The following ETS1 variants were observed in gnomAD, a reference collection of about 807,000 sequenced individuals.
ETS1 encodes protein C-ets-1.
In ETS1, 15 loss-of-function variants were observed where a neutral mutation model predicts 58.6. The ratio of observed to expected loss-of-function variants is 0.26; its 90% CI spans 0.17 to 0.39. ETS1 has a LOEUF of 0.39. ETS1 is among the 10% of genes least tolerant of loss of function. The pLI is 1.00. For missense variants in ETS1, 417 were observed against 610.5 expected, an observed-to-expected ratio of 0.68 and a Z score of 3.34; for synonymous variants, 214 against 218.2, an observed-to-expected ratio of 0.98 and a Z score of 0.17.
chr11:128,567,514 A>AC (rs1490649123), intron 2 of ETS1, among the ~76,000 whole-genome samples: 2 of 152,212 alleles, frequency 1.3e-5, no homozygotes, highest in Admixed American at 1.3e-4. Context: ...CAGTTTCTGA[A>AC]CCCCTGTTTT....
intron 4 of ETS1, 32 bp from the exon 5 acceptor site, chr11:128,489,522 G>C (rs1862738447): frequency 1.3e-6 from 2 of 1,596,740 alleles, no homozygotes; most frequent in Non-Finnish European, 1.7e-6. Flanking sequence ...AGATCCAGCA[G>C]GTCGGGCTTT....
chr11:128,569,226 T>C (rs1864570322), intron 2 of ETS1, among the ~76,000 whole-genome samples: 1 of 151,484 alleles, frequency 6.6e-6, no homozygotes, highest in Non-Finnish European at 1.5e-5. Context: ...AAATATCCCT[T>C]TGGGGGACAA....
rs1354807198 is a variant in ETS1 at position 128,459,135 on chromosome 11, AT to A, written c.*3225del. The A allele has an allele frequency of 6.6e-6, 1 of 151,002 alleles. No individual in the cohort carries two copies. Among genetic ancestry groups the A allele is most frequent in the Non-Finnish European group, 1.5e-5 (1 of 67,788 alleles). 9.4% of individuals were successfully genotyped at this position (151,002 alleles called of 1,614,324 possible). ...ATACTTCTCAGCTTAAAAAAAAAGT[AT>A]TCTTAAAAAAAAAAGTTCAATAACT... On this transcript the variant is annotated 3_prime_UTR_variant, in exon 10 of 10. Coordinates refer to ENST00000392668, the MANE Select transcript of ETS1 (RefSeq NM_001143820.2).
rs190329091 is a variant in ETS1, at chr11:128,491,794, G to A, written c.215-1218C>T. Among the ~76,000 whole-genome samples, 279 of 152,308 alleles carry A rather than the reference G, an allele frequency of 1.8e-3. 1 individual carries two copies. The highest frequency in any genetic ancestry group is 3.1e-3 in the Non-Finnish European group (213 of 68,022). ...TTCAAGTCAACTTGAAGTGCATACA[G>A]GACGAAAAATCTATAAAGCTTGGTT... On this transcript the variant is annotated intron_variant, in intron 3 of 9. Coordinates refer to ENST00000392668, the MANE Select transcript of ETS1 (RefSeq NM_001143820.2).
At chr11:128,585,399 C>T (rs935692701) in intron 1 of ETS1, among the ~76,000 whole-genome samples, 11 of 151,980 alleles carry the variant, frequency 7.2e-5, no homozygotes, top group African/African-American at 2.7e-4. Flanking sequence ...TTCCCTTCTG[C>T]TGTTTGATGT....
intron 8 of ETS1, among the ~76,000 whole-genome samples, chr11:128,475,704 A>G (rs1191783718): frequency 6.6e-6 from 1 of 151,610 alleles, no homozygotes; most frequent in Non-Finnish European, 1.5e-5. Context: ...GGCGCCCACC[A>G]CCACGCCCAG....
At chr11:128,567,923 C>T (rs1279067532) in intron 2 of ETS1, among the ~76,000 whole-genome samples, 2 of 152,142 alleles carry the variant, frequency 1.3e-5, no homozygotes, top group African/African-American at 2.4e-5. Flanking sequence ...TGTGAACCAC[C>T]GCGGCCAGCC....
At chr11:128,533,120 A>G (rs1383358576) in intron 3 of ETS1, among the ~76,000 whole-genome samples, 4 of 152,202 alleles carry the variant, frequency 2.6e-5, no homozygotes, top group Non-Finnish European at 4.4e-5. Context: ...TTCACGCTCC[A>G]TATCCATCCA....
intron 3 of ETS1, among the ~76,000 whole-genome samples, chr11:128,522,941 A>C (rs1246817307): frequency 6.6e-6 from 1 of 152,220 alleles, no homozygotes; most frequent in Admixed American, 6.5e-5. Context: ...GAGCCCACCC[A>C]TGTAATGCTC....
intron 3 of ETS1, among the ~76,000 whole-genome samples, chr11:128,553,620 C>G (rs1325600014): frequency 6.6e-6 from 1 of 152,074 alleles, no homozygotes; most frequent in East Asian, 1.9e-4. Context: ...CTCCCACTCA[C>G]CTGATAAGTC....
chr11:128,487,930 T>G (rs1862682308), intron 5 of ETS1, among the ~76,000 whole-genome samples: 1 of 152,084 alleles, frequency 6.6e-6, no homozygotes, highest in Non-Finnish European at 1.5e-5. Flanking sequence ...TTGAAAGCAC[T>G]TTGGAAACAG....
intron 3 of ETS1, among the ~76,000 whole-genome samples, chr11:128,551,285 CATCTG>C (rs1864225214): frequency 6.6e-6 from 1 of 152,200 alleles, no homozygotes; most frequent in Non-Finnish European, 1.5e-5. Context: ...AAATTGGAGG[CATCTG>C]TGCTTCCTGC....
intron 7 of ETS1, among the ~76,000 whole-genome samples, chr11:128,481,970 T>C (rs1862499386): frequency 6.6e-6 from 1 of 152,190 alleles, no homozygotes; most frequent in African/African-American, 2.4e-5. Flanking sequence ...ATCTCATTCC[T>C]TCCTCCACTC....
Position 128,461,421 on chromosome 11 carries a change from TCAGTTCAAA to T in ETS1, c.*931_*939del, listed in dbSNP as rs1404677208. ...CCAAAACCAGGGATGCAAAATACAT[TCAGTTCAAA>T]GACTTAATGCTTCTTAGCTCAACAT... On this transcript the variant is annotated 3_prime_UTR_variant, in exon 10 of 10. Transcript: ENST00000392668. 1 of 152,758 alleles carries T rather than the reference TCAGTTCAAA, an allele frequency of 6.5e-6. No individual in the cohort carries two copies. Among genetic ancestry groups the T allele is most frequent in the Non-Finnish European group, 1.5e-5 (1 of 68,028 alleles). 9.5% of individuals were successfully genotyped at this position (152,758 alleles called of 1,614,324 possible).
intron 2 of ETS1, chr11:128,572,131 G>T (rs1864648436): frequency 6.6e-6 from 1 of 152,016 alleles, no homozygotes; most frequent in South Asian, 2.1e-4. Context: ...AAATTAGCCA[G>T]GCGTGGTGGT....
intron 3 of ETS1, among the ~76,000 whole-genome samples, chr11:128,522,856 G>A (rs1298456361): frequency 1.3e-5 from 2 of 152,198 alleles, no homozygotes; most frequent in African/African-American, 2.4e-5. Flanking sequence ...TGTCCTCAAA[G>A]GGCTTTAGGA....
At chr11:128,543,658 C>A (rs1404950147) in intron 3 of ETS1, among the ~76,000 whole-genome samples, 2 of 152,222 alleles carry the variant, frequency 1.3e-5, no homozygotes, top group African/African-American at 4.8e-5. Flanking sequence ...CTGGCCTGCT[C>A]TTTCCCACTC....
chr11:128,462,365 T>G lies in ETS1; in HGVS notation c.1454A>C (p.Glu485Ala). 2 of 1,611,334 alleles carry G rather than the reference T, an allele frequency of 1.2e-6. No homozygotes were observed. The highest frequency in any genetic ancestry group is 1.7e-6 in the Non-Finnish European group (2 of 1,177,628). Residue 485 changes from glutamate to alanine, a missense_variant, in exon 10 of 10, where the codon GAG (glutamate) becomes GCG (alanine). By Grantham distance (107) the Glu-to-Ala change is moderately radical. Around this residue, in one of 4 missense-constraint regions of ETS1, gnomAD observed 56 missense variants for 156.1 expected, o/e 0.36. Transcript: ENST00000392668. Reference sequence around the variant, plus strand: ...TCCCCAGCCCCTTCAGTGCCATCACTCGTCGGCATCTGGCTTGACGTCCAG... The same window carrying G: ...TCCCCAGCCCCTTCAGTGCCATCACGCGTCGGCATCTGGCTTGACGTCCAG... Reference protein sequence around the residue: ...AMLDVKPDADE With the variant: ...AMLDVKPDADA
chr11:128,573,525 C>T (rs1864681571), intron 1 of ETS1, among the ~76,000 whole-genome samples: 1 of 152,086 alleles, frequency 6.6e-6, no homozygotes, highest in Non-Finnish European at 1.5e-5. Context: ...ATACAATACA[C>T]AGTTGGGGTG....
Sources: allele counts gnomAD v4.1 joint callset (sites outside exome capture counted in the v4.1 genomes callset), GRCh38; gene constraint gnomAD v4.1.1; regional missense constraint gnomAD v4.1.1; transcripts MANE v1.5; gene names NCBI Gene and HGNC (gene_info 2026-07-23, HGNC 2026-07-21).